WDR45B: variants seen among roughly 807,000 people sequenced by gnomAD.
WDR45B encodes the protein WD repeat domain phosphoinositide-interacting protein 3.
A neutral mutation model predicts 44.6 loss-of-function variants in WDR45B; 20 were observed. That is an observed-to-expected ratio of 0.45 (90% confidence interval 0.32 to 0.65). The LOEUF is 0.65. Ranked by LOEUF, WDR45B falls within the 30% of genes least tolerant of loss-of-function variation. The probability of loss-of-function intolerance (pLI) is 0.05; values close to 1 mark genes in which losing one functional copy is unlikely to be tolerated. For synonymous variants in WDR45B, 169 were observed against 164.9 expected (o/e 1.02, Z -0.19); for missense variants, 323 against 430.2 (o/e 0.75, Z 2.20).
At chr17:82,648,160 G>T (rs1357407702) in intron 1 of WDR45B, 114 bp downstream of exon 1, 14 of 1,240,644 alleles carry the variant, frequency 1.1e-5, no homozygotes, top group African/African-American at 1.6e-5. Flanking sequence ...CGGGGCCGGG[G>T]TCCCGGGTGG....
intron 2 of WDR45B, among the ~76,000 whole-genome samples, chr17:82,638,368 G>C (rs954899952): frequency 6.6e-6 from 1 of 151,202 alleles, no homozygotes; most frequent in Non-Finnish European, 1.5e-5. Flanking sequence ...GGGGGTAGGA[G>C]AAGGTCAGAG....
chr17:82,642,178 T>G (rs2045925368), intron 2 of WDR45B, among the ~76,000 whole-genome samples: 2 of 152,020 alleles, frequency 1.3e-5, no homozygotes, highest in South Asian at 4.2e-4. Flanking sequence ...GCAGTACTGG[T>G]CCGTGGCCTG....
intron 5 of WDR45B, among the ~76,000 whole-genome samples, chr17:82,622,406 G>C (rs891952309): frequency 6.6e-6 from 1 of 152,078 alleles, no homozygotes; most frequent in South Asian, 2.1e-4. Flanking sequence ...GAATTATAAG[G>C]AAAAATAAAG....
chr17:82,627,915 T>C (rs1407243472), intron 3 of WDR45B, among the ~76,000 whole-genome samples: 1 of 152,254 alleles, frequency 6.6e-6, no homozygotes. Flanking sequence ...GTTTCAGTTT[T>C]AAAGTGAAAT....
At chr17:82,619,250 ATCT>A (rs59969975) in intron 6 of WDR45B, 122 bp from the exon 7 acceptor site, 200,434 of 896,262 alleles carry the variant, frequency 0.22, 23,484 homozygotes, top group Admixed American at 0.26. Flanking sequence ...CACCCACATC[ATCT>A]ACTACTTAAC....
intron 2 of WDR45B, among the ~76,000 whole-genome samples, chr17:82,633,021 G>C (rs1371666441): frequency 6.6e-6 from 1 of 152,078 alleles, no homozygotes; most frequent in African/African-American, 2.4e-5. Flanking sequence ...AAATTAGCTG[G>C]CTGTGGTGGC....
intron 2 of WDR45B, among the ~76,000 whole-genome samples, chr17:82,635,511 C>T (rs1005444171): frequency 6.6e-6 from 1 of 150,748 alleles, no homozygotes; most frequent in African/African-American, 2.5e-5. Flanking sequence ...CTGCAACCTC[C>T]ACCTCCTGGG....
chr17:82,643,804 A>T, intron 2 of WDR45B, 145 bp downstream of exon 2: 1 of 794,608 alleles, frequency 1.3e-6, no homozygotes. Context: ...GAAAGAGGAC[A>T]GCTCCCTCCA....
chr17:82,641,060 G>A (rs2045908985), intron 2 of WDR45B, among the ~76,000 whole-genome samples: 1 of 148,138 alleles, frequency 6.8e-6, no homozygotes, highest in Admixed American at 6.9e-5. Context: ...CGGCCTCCCG[G>A]GTTTAAGTGA....
In WDR45B at chr17:82,622,493, C is replaced by T. The variant is rs527851887; in HGVS notation, c.428-694G>A. Among the ~76,000 whole-genome samples the T allele has an allele frequency of 5.9e-5, 9 of 152,274 alleles. 1 individual carries two copies. Among genetic ancestry groups the T allele is most frequent in the Admixed American group, 3.9e-4 (6 of 15,300 alleles). The stretch of plus-strand genomic sequence containing the variant: ...TCACCCAGGCTGGAGTGTACAGTGG[C>T]GTGATCTCGGCTCACTGCAAGCTCC... On this transcript the variant is annotated intron_variant, in intron 5 of 9. Coordinates refer to ENST00000392325, the MANE Select transcript of WDR45B (RefSeq NM_019613.4).
At chr17:82,639,029 G>C (rs1175860721) in intron 2 of WDR45B, among the ~76,000 whole-genome samples, 6 of 151,826 alleles carry the variant, frequency 4.0e-5, no homozygotes, top group Non-Finnish European at 8.8e-5. Flanking sequence ...CACCATGTTG[G>C]CCAGGATGGT....
At chr17:82,634,910 A>G (rs543441023) in intron 2 of WDR45B, among the ~76,000 whole-genome samples, 25 of 152,058 alleles carry the variant, frequency 1.6e-4, no homozygotes, top group African/African-American at 5.8e-4. Context: ...CCTAGAGAAC[A>G]CTACACTAAG....
chr17:82,624,859 C>T (rs1293347475), intron 5 of WDR45B, among the ~76,000 whole-genome samples: 2 of 151,560 alleles, frequency 1.3e-5, no homozygotes, highest in South Asian at 2.1e-4. Context: ...ACCTTGTGAT[C>T]CGCCCGCCTC....
intron 2 of WDR45B, among the ~76,000 whole-genome samples, chr17:82,640,410 G>A (rs1408850154): frequency 6.6e-6 from 1 of 151,126 alleles, no homozygotes. Flanking sequence ...CAGTGCAGTG[G>A]CGAGATCTCG....
At chr17:82,639,841 C>G (rs1296105145) in intron 2 of WDR45B, among the ~76,000 whole-genome samples, 15 of 114,450 alleles carry the variant, frequency 1.3e-4, no homozygotes, top group African/African-American at 4.9e-4. Flanking sequence ...GGCTGCCGGG[C>G]TGTGTGTCGG....
At position 82,621,648 on chromosome 17, in the gene WDR45B, G is replaced by A; in HGVS notation, c.579C>T (p.Leu193=). The change falls in exon 6 of 10, where the codon CTC becomes CTT. Residue 193 remains leucine (L), a synonymous_variant. Coordinates refer to ENST00000392325, the MANE Select transcript of WDR45B (RefSeq NM_019613.4). Reference sequence around the variant, plus strand: ...TTGCAATTCTTGTTCCCTGCAGGTTGAGTGCAATGCAGCTCAGGACACCCT... The same window carrying A: ...TTGCAATTCTTGTTCCCTGCAGGTTAAGTGCAATGCAGCTCAGGACACCCT... The part of the protein sequence containing the change: ...AHEGVLSCIA[L]NLQGTRIATA... The A allele has an allele frequency of 1.2e-6, 2 of 1,614,216 alleles. No homozygotes were observed. The highest frequency in any genetic ancestry group is 1.7e-6 in the Non-Finnish European group (2 of 1,180,046).
At chr17:82,625,517 T>A (rs368638870) in intron 4 of WDR45B, 34 bp from the exon 5 acceptor site, 1 of 1,598,710 alleles carries the variant, frequency 6.3e-7, no homozygotes, top group Non-Finnish European at 8.6e-7. Flanking sequence ...GTTGCTTTCC[T>A]CAAGAGTCAA....
intron 1 of WDR45B, 117 bp from the exon 2 acceptor site, chr17:82,644,140 C>A (rs543791718): frequency 3.3e-6 from 3 of 900,948 alleles, no homozygotes; most frequent in Admixed American, 4.0e-5. Flanking sequence ...CACACAGACA[C>A]GATAGGTGCT....
intron 7 of WDR45B, among the ~76,000 whole-genome samples, chr17:82,618,796 A>G (rs7502244): frequency 0.82 from 125,201 of 152,216 alleles, 51,715 homozygotes; most frequent in South Asian, 0.91. Context: ...ATCAAATACT[A>G]ATAAATGCTG....
Sources: allele counts gnomAD v4.1 joint callset (sites outside exome capture counted in the v4.1 genomes callset), GRCh38; gene constraint gnomAD v4.1.1; transcripts MANE v1.5; gene names NCBI Gene and HGNC (gene_info 2026-07-23, HGNC 2026-07-21).